Variants in FHOD3 observed in about 807,000 individuals in gnomAD.
The protein encoded by FHOD3 is FH1/FH2 domain-containing protein 3.
FHOD3 carries 90 observed loss-of-function variants against 173.0 expected under a neutral mutation model. The observed-to-expected ratio is 0.52, with a 90% CI of 0.44 to 0.62. The LOEUF (loss-of-function observed/expected upper bound fraction) is 0.62. Ranked by LOEUF, FHOD3 falls within the 20% of genes least tolerant of loss-of-function variation. The pLI is 0.00. For missense variants in FHOD3, 1,945 were observed against 2,034.7 expected, an observed-to-expected ratio of 0.96 and a Z score of 0.85; for synonymous variants, 828 against 823.0, an observed-to-expected ratio of 1.01 and a Z score of -0.10.
chr18:36,706,653 A>G (rs1351015746), intron 17 of FHOD3, among the ~76,000 whole-genome samples: 1 of 152,202 alleles, frequency 6.6e-6, no homozygotes, highest in Non-Finnish European at 1.5e-5. Flanking sequence ...TCAAATAGCC[A>G]TCAATCACAG....
At chr18:36,522,156 G>T (rs2056308410) in intron 5 of FHOD3, among the ~76,000 whole-genome samples, 1 of 152,198 alleles carries the variant, frequency 6.6e-6, no homozygotes, top group African/African-American at 2.4e-5. Flanking sequence ...GTGCATGTCA[G>T]GTTCCATCCT....
At chr18:36,474,084 T>G (rs1033020204) in intron 3 of FHOD3, among the ~76,000 whole-genome samples, 1 of 152,200 alleles carries the variant, frequency 6.6e-6, no homozygotes, top group Non-Finnish European at 1.5e-5. Flanking sequence ...CCTTGAACAG[T>G]TTAAGTTGGA....
chr18:36,710,136 A>C (rs1369850021), intron 18 of FHOD3: 1 of 152,234 alleles, frequency 6.6e-6, no homozygotes, highest in African/African-American at 2.4e-5. Context: ...TTAGCCTGAA[A>C]GAACCTCACC....
At chr18:36,409,411 C>T (rs561914730) in intron 3 of FHOD3, among the ~76,000 whole-genome samples, 1 of 152,152 alleles carries the variant, frequency 6.6e-6, no homozygotes, top group Non-Finnish European at 1.5e-5. Context: ...CTGGCTAGCT[C>T]GTTGCTGTCT....
chr18:36,297,962 C>A lies in FHOD3; in HGVS notation c.127C>A (p.Leu43Met). ...FREDLALGTQLAGVHRLLQAP... is the reference protein window; with the variant it reads ...FREDLALGTQMAGVHRLLQAP... ...CGAGGACCTCGCGCTCGGCACCCAGCTGGCGGGGGTCCATAGGCTGCTGCA... is the reference window on the plus strand; with the variant it reads ...CGAGGACCTCGCGCTCGGCACCCAGATGGCGGGGGTCCATAGGCTGCTGCA... The change falls in exon 1 of 29, where the codon CTG becomes ATG. Residue 43 changes from leucine (L) to methionine (M), a missense_variant. Coordinates refer to ENST00000590592, the MANE Select transcript of FHOD3 (RefSeq NM_001281740.3). The A allele has an allele frequency of 6.4e-7, 1 of 1,565,856 alleles. No individual in the cohort carries two copies. Among genetic ancestry groups the A allele is most frequent in the East Asian group, 2.4e-5 (1 of 41,256 alleles).
intron 6 of FHOD3, among the ~76,000 whole-genome samples, chr18:36,590,469 G>T (rs150073893): frequency 6.6e-6 from 1 of 152,274 alleles, no homozygotes; most frequent in East Asian, 1.9e-4. Context: ...GATCCTGCAG[G>T]ACATATTTTG....
intron 20 of FHOD3, among the ~76,000 whole-genome samples, chr18:36,740,221 T>C (rs2041839621): frequency 6.6e-6 from 1 of 152,232 alleles, no homozygotes; most frequent in East Asian, 1.9e-4. Context: ...TAAGGTACTA[T>C]CATTTCTATG....
chr18:36,760,782 G>A lies in FHOD3; in HGVS notation c.4624G>A (p.Gly1542Arg). ...CCGCACACGCAGCCGAGCAAGCCGA[G>A]GTAACTCCTGGCTGCGCGGGGCTCG... The part of the protein sequence containing the change: ...GVRTRSRASR[G>R]STSSWTMGTD... The change falls in exon 27 of 29, where the codon GGA (glycine) becomes AGA (arginine). Residue 1542 changes from glycine to arginine, a missense_variant and splice_region_variant. Gly to Arg is a moderately radical substitution (Grantham distance 125). This residue lies in a region of FHOD3 where 354 missense variants were observed against 359.9 expected (regional missense o/e 0.98). Transcript: ENST00000590592. 1.1e-5 allele frequency: 17 copies of A among 1,608,546 alleles called. No homozygotes were observed. Among genetic ancestry groups the A allele is most frequent in the Non-Finnish European group, 1.4e-5 (16 of 1,177,952 alleles).
intron 3 of FHOD3, among the ~76,000 whole-genome samples, chr18:36,466,241 C>T (rs2052924501): frequency 6.6e-6 from 1 of 152,150 alleles, no homozygotes; most frequent in Non-Finnish European, 1.5e-5. Context: ...CATTCAAGTC[C>T]TCAGTGAGCC....
At chr18:36,441,766 A>G (rs537900603) in intron 3 of FHOD3, among the ~76,000 whole-genome samples, 10 of 152,302 alleles carry the variant, frequency 6.6e-5, no homozygotes, top group African/African-American at 2.4e-4. Context: ...CACATTTTAG[A>G]CGCAGTGCCT....
intron 10 of FHOD3, among the ~76,000 whole-genome samples, chr18:36,643,563 T>A (rs1410341149): frequency 1.3e-5 from 2 of 152,226 alleles, no homozygotes; most frequent in African/African-American, 2.4e-5. Flanking sequence ...AACCTATATA[T>A]CCTCGTATCA....
At chr18:36,633,619 G>T (rs752805862) in intron 10 of FHOD3, among the ~76,000 whole-genome samples, 4 of 152,214 alleles carry the variant, frequency 2.6e-5, no homozygotes, top group Non-Finnish European at 5.9e-5. Flanking sequence ...CAGAGGCTCT[G>T]CTGGGTTGGG....
intron 1 of FHOD3, among the ~76,000 whole-genome samples, chr18:36,301,168 G>A (rs1191054705): frequency 1.3e-5 from 2 of 152,160 alleles, no homozygotes; most frequent in Admixed American, 1.3e-4. Context: ...CCCCCTCAGA[G>A]GGTCCTAATT....
At chr18:36,348,076 G>A (rs976424398) in intron 1 of FHOD3, among the ~76,000 whole-genome samples, 7 of 152,176 alleles carry the variant, frequency 4.6e-5, no homozygotes, top group Non-Finnish European at 2.9e-5. Flanking sequence ...TGATTGAACC[G>A]AGTTTTGTGT....
At chr18:36,476,252 G>C (rs982725083) in intron 3 of FHOD3, among the ~76,000 whole-genome samples, 18 of 152,202 alleles carry the variant, frequency 1.2e-4, no homozygotes, top group Admixed American at 7.9e-4. Context: ...GGGTGCTGCT[G>C]TAAGGAGCGT....
chr18:36,557,427 C>T (rs2057931675), intron 5 of FHOD3, among the ~76,000 whole-genome samples: 1 of 151,994 alleles, frequency 6.6e-6, no homozygotes, highest in Non-Finnish European at 1.5e-5. Context: ...GTTGAATCTT[C>T]CATTAATCGC....
intron 17 of FHOD3, among the ~76,000 whole-genome samples, chr18:36,696,218 T>C (rs2039273512): frequency 6.6e-6 from 1 of 152,184 alleles, no homozygotes; most frequent in Non-Finnish European, 1.5e-5. Flanking sequence ...GATGCCCATC[T>C]CAGCCATTTG....
intron 15 of FHOD3, 117 bp downstream of exon 15, chr18:36,681,687 A>G (rs918072435): frequency 3.2e-6 from 4 of 1,262,370 alleles, no homozygotes; most frequent in Non-Finnish European, 4.3e-6. Context: ...TTCTGTCTGT[A>G]TTTTTAAGGA....
At chr18:36,730,496 T>C in intron 19 of FHOD3, 150 bp from the exon 20 acceptor site, 1 of 672,384 alleles carries the variant, frequency 1.5e-6, no homozygotes, top group Non-Finnish European at 2.4e-6. Flanking sequence ...CCTGATACTT[T>C]CTGTGCTGAA....
Sources: gnomAD v4.1 joint callset for allele counts (sites outside exome capture counted in the v4.1 genomes callset) on GRCh38, gnomAD v4.1.1 for gene constraint, gnomAD v4.1.1 regional missense constraint, MANE v1.5 for transcripts, NCBI Gene and HGNC (gene_info 2026-07-23, HGNC 2026-07-21) for gene names.